The following ZNF469 variants were observed in gnomAD, a reference collection of about 807,000 sequenced individuals.
ZNF469 encodes the protein zinc finger protein 469.
A neutral mutation model predicts 1.0 loss-of-function variants in ZNF469; 1 was observed. The ratio of observed to expected loss-of-function variants is 1.00; its 90% confidence interval spans 0.35 to 4.73. The LOEUF is 4.73. ZNF469 is among the 30% of genes most tolerant of loss of function. The pLI is 0.16. For synonymous variants in ZNF469, 2,703 were observed against 2,363.4 expected (o/e 1.14, Z -4.17); for missense variants, 6,100 against 5,356.3 (o/e 1.14, Z -4.33).
the ZNF469 span, among the ~76,000 whole-genome samples, chr16:88,366,318 C>T: frequency 9.2e-5 from 14 of 151,818 alleles, no homozygotes; most frequent in South Asian, 1.7e-3. Context: ...TCACTATCAC[C>T]GTCATTATCA....
intron 1 of ZNF469, among the ~76,000 whole-genome samples, chr16:88,404,361 T>A (rs1904968384): frequency 6.6e-6 from 1 of 152,216 alleles, no homozygotes; most frequent in African/African-American, 2.4e-5. Flanking sequence ...AGACTGGCCC[T>A]GGGCGGCGCC....
the ZNF469 span, among the ~76,000 whole-genome samples, chr16:88,226,220 C>T: frequency 6.6e-6 from 1 of 152,074 alleles, no homozygotes; most frequent in Non-Finnish European, 1.5e-5. Context: ...TTGTGTCCCC[C>T]CAAAAGGCAT....
At chr16:88,334,218 A>C in the ZNF469 span, among the ~76,000 whole-genome samples, 3 of 151,934 alleles carry the variant, frequency 2.0e-5, no homozygotes. Flanking sequence ...GAGTTAAGAA[A>C]TTTTTCAGGT....
chr16:88,136,012 G>A, the ZNF469 span, among the ~76,000 whole-genome samples: 1 of 151,916 alleles, frequency 6.6e-6, no homozygotes, highest in Non-Finnish European at 1.5e-5. Flanking sequence ...ACCCACCTTC[G>A]CCTCCCAAAG....
the ZNF469 span, among the ~76,000 whole-genome samples, chr16:88,114,771 G>C: frequency 6.6e-6 from 1 of 152,338 alleles, no homozygotes; most frequent in South Asian, 2.1e-4. Flanking sequence ...AGGGAGCTCA[G>C]AGGGGCTGTT....
At chr16:88,420,674 T>C (rs903637741) in intron 1 of ZNF469, among the ~76,000 whole-genome samples, 3 of 152,212 alleles carry the variant, frequency 2.0e-5, no homozygotes, top group Non-Finnish European at 2.9e-5. Flanking sequence ...AGGGATGCCA[T>C]GCTTCTGAGC....
At chr16:88,338,161 T>C in the ZNF469 span, among the ~76,000 whole-genome samples, 1 of 112,526 alleles carries the variant, frequency 8.9e-6, no homozygotes, top group Non-Finnish European at 1.7e-5. Flanking sequence ...CCTCCAGCGC[T>C]GCCAATCGCC....
the ZNF469 span, among the ~76,000 whole-genome samples, chr16:88,228,959 C>G: frequency 6.6e-6 from 1 of 152,200 alleles, no homozygotes; most frequent in South Asian, 2.1e-4. Context: ...GGAGGCACAG[C>G]AGCCGGGCAC....
At chr16:88,382,955 G>T (rs1285536281), upstream of ZNF469, among the ~76,000 whole-genome samples, 2 of 151,638 alleles carry the variant, frequency 1.3e-5, no homozygotes, top group East Asian at 1.9e-4. Flanking sequence ...AGCCTCCGGG[G>T]GGCAGACCCC....
At chr16:88,204,031 C>T in the ZNF469 span, among the ~76,000 whole-genome samples, 2 of 143,590 alleles carry the variant, frequency 1.4e-5, no homozygotes, top group African/African-American at 5.5e-5. Flanking sequence ...CCCCATAGAG[C>T]AATGGGAGGT....
At chr16:88,338,086 T>C in the ZNF469 span, among the ~76,000 whole-genome samples, 2 of 151,720 alleles carry the variant, frequency 1.3e-5, no homozygotes, top group African/African-American at 4.9e-5. Flanking sequence ...TAACTTTGCT[T>C]TCTCACAGTG....
the ZNF469 span, among the ~76,000 whole-genome samples, chr16:88,365,902 T>A: frequency 8.1e-4 from 123 of 152,288 alleles, no homozygotes; most frequent in African/African-American, 2.7e-3. Context: ...GCCTCCTCAC[T>A]AAAGCCTCCT....
At chr16:88,202,284 G>C in the ZNF469 span, among the ~76,000 whole-genome samples, 2 of 152,248 alleles carry the variant, frequency 1.3e-5, no homozygotes, top group Admixed American at 6.5e-5. Context: ...ACATACAGAA[G>C]TGGCTGAACA....
At chr16:88,315,690 G>A in the ZNF469 span, among the ~76,000 whole-genome samples, 1 of 152,196 alleles carries the variant, frequency 6.6e-6, no homozygotes, top group African/African-American at 2.4e-5. Context: ...GTGGGGGAGG[G>A]AGGACCCTCA....
At chr16:88,284,829 G>A in the ZNF469 span, among the ~76,000 whole-genome samples, 10 of 152,348 alleles carry the variant, frequency 6.6e-5, no homozygotes, top group South Asian at 1.7e-3. Flanking sequence ...GGCCTGAGCC[G>A]CAGGTCCCCA....
At chr16:88,380,230 CATGCACTCACACACAA>C (rs1380992046), upstream of ZNF469, among the ~76,000 whole-genome samples, 5 of 151,654 alleles carry the variant, frequency 3.3e-5, no homozygotes, top group Admixed American at 6.6e-5. Flanking sequence ...CACTCACAGA[CATGCACTCACACACAA>C]ATGCACTCAC....
At chr16:88,395,521 A>G (rs753716425) in intron 1 of ZNF469, among the ~76,000 whole-genome samples, 48 of 152,038 alleles carry the variant, frequency 3.2e-4, no homozygotes, top group Non-Finnish European at 6.3e-4. Flanking sequence ...TATATAACTG[A>G]TATGTTCTTG....
the ZNF469 span, among the ~76,000 whole-genome samples, chr16:88,134,536 C>A: frequency 6.6e-6 from 1 of 152,224 alleles, no homozygotes; most frequent in African/African-American, 2.4e-5. Context: ...GCATATGTAT[C>A]TATTAGTTAT....
At chr16:88,380,178 C>T (rs2092517241), upstream of ZNF469, among the ~76,000 whole-genome samples, 1 of 151,310 alleles carries the variant, frequency 6.6e-6, no homozygotes, top group African/African-American at 2.4e-5. Flanking sequence ...TGCACTCACA[C>T]ACAAATGCAC....
Sources: allele counts gnomAD v4.1 joint callset (sites outside exome capture counted in the v4.1 genomes callset), GRCh38; gene constraint gnomAD v4.1.1; transcripts MANE v1.5; gene names NCBI Gene and HGNC (gene_info 2026-07-23, HGNC 2026-07-21).